MYO3B: variants seen among roughly 807,000 people sequenced by gnomAD.
MYO3B encodes the protein myosin IIIB, also known as myosin-IIIb.
In MYO3B, 156 loss-of-function variants were observed where a neutral mutation model predicts 174.6. The ratio of observed to expected loss-of-function variants is 0.89; its 90% CI spans 0.78 to 1.02. The LOEUF is 1.02. Ranked by LOEUF, MYO3B falls within the 50% of genes least tolerant of loss-of-function variation. MYO3B has a pLI of 0.00. For synonymous variants in MYO3B, 563 were observed against 569.1 expected (o/e 0.99, Z 0.15); for missense variants, 1,632 against 1,639.4 (o/e 1.00, Z 0.08).
chr2:170,273,203 T>C (rs2105373807), intron 7 of MYO3B, among the ~76,000 whole-genome samples: 1 of 152,262 alleles, frequency 6.6e-6, no homozygotes, highest in African/African-American at 2.4e-5. Flanking sequence ...CTGGCCCATC[T>C]CACCCAGTGA....
chr2:170,179,496 T>A (rs1428327200), intron 1 of MYO3B, among the ~76,000 whole-genome samples: 1 of 152,306 alleles, frequency 6.6e-6, no homozygotes, highest in Non-Finnish European at 1.5e-5. Context: ...TCATGAGGGC[T>A]CTGCCCTTAT....
At chr2:170,491,519 A>G (rs1010077693) in intron 25 of MYO3B, among the ~76,000 whole-genome samples, 8 of 152,162 alleles carry the variant, frequency 5.3e-5, no homozygotes, top group East Asian at 1.9e-4. Flanking sequence ...TCCGCCTCCC[A>G]GGTTCACGCC....
chr2:170,494,227 A>T (rs1260318163), intron 25 of MYO3B, among the ~76,000 whole-genome samples: 1 of 150,928 alleles, frequency 6.6e-6, no homozygotes, highest in Non-Finnish European at 1.5e-5. Context: ...TTTGCCTGTT[A>T]CATTTAAAAA....
chr2:170,466,795 C>A, intron 25 of MYO3B, 84 bp downstream of exon 25: 2 of 1,384,926 alleles, frequency 1.4e-6, no homozygotes, highest in Non-Finnish European at 2.0e-6. Flanking sequence ...GTTCCTCCTG[C>A]GTGCTCTCCT....
At position 170,591,409 on chromosome 2, in the gene MYO3B, A is replaced by G. The variant is rs528828804; in HGVS notation, c.3733+47421A>G. Among the ~76,000 whole-genome samples the G allele has an allele frequency of 3.3e-5, 5 of 152,310 alleles. No individual in the cohort carries two copies. The South Asian group carries it at 6.2e-4, about 19-fold the overall frequency. ...CTCTGAGATCAAAAATTAAAAATCA[A>G]AGAGATGTCAGGGTTGTAAACCACA... On this transcript the variant is annotated intron_variant, in intron 32 of 34. Coordinates refer to ENST00000408978, the MANE Select transcript of MYO3B (RefSeq NM_138995.5).
chr2:170,322,753 A>G (rs1331758153), intron 7 of MYO3B, among the ~76,000 whole-genome samples: 4 of 152,150 alleles, frequency 2.6e-5, no homozygotes, highest in African/African-American at 7.2e-5. Flanking sequence ...CTGTCAGCCT[A>G]TGCTTCTGTG....
At chr2:170,568,366 C>T (rs1692211164) in intron 32 of MYO3B, among the ~76,000 whole-genome samples, 1 of 152,242 alleles carries the variant, frequency 6.6e-6, no homozygotes, top group East Asian at 1.9e-4. Context: ...CTGGGCTTTT[C>T]TGCTTCTTCT....
chr2:170,362,579 T>A (rs780250984), intron 8 of MYO3B, among the ~76,000 whole-genome samples: 1 of 152,226 alleles, frequency 6.6e-6, no homozygotes, highest in South Asian at 2.1e-4. Flanking sequence ...GGGATTTTTG[T>A]CTTTTAGCAA....
intron 32 of MYO3B, among the ~76,000 whole-genome samples, chr2:170,607,547 C>CTGAATGGTCA (rs144285999): frequency 0.087 from 13,290 of 152,224 alleles, 645 homozygotes; most frequent in South Asian, 0.15. Context: ...ATGACCATTC[C>CTGAATGGTCA]TGAATTCAGC....
At chr2:170,518,117 A>T (rs988857062) in intron 29 of MYO3B, among the ~76,000 whole-genome samples, 14 of 152,186 alleles carry the variant, frequency 9.2e-5, no homozygotes, top group Non-Finnish European at 2.9e-5. Context: ...ACCTTAGCTC[A>T]AAGAATTGCA....
chr2:170,483,680 CTT>C (rs1341083371), intron 25 of MYO3B, among the ~76,000 whole-genome samples: 8 of 152,002 alleles, frequency 5.3e-5, no homozygotes, highest in Non-Finnish European at 1.2e-4. Context: ...GTGGGGCTAA[CTT>C]ATGTTAGATA....
chr2:170,477,024 C>G (rs778521378), intron 25 of MYO3B, among the ~76,000 whole-genome samples: 2 of 152,168 alleles, frequency 1.3e-5, no homozygotes, highest in Non-Finnish European at 2.9e-5. Flanking sequence ...TTTGGACTCT[C>G]AGCTTCCTTA....
At chr2:170,442,141 C>T (rs2094805316) in intron 22 of MYO3B, among the ~76,000 whole-genome samples, 1 of 151,980 alleles carries the variant, frequency 6.6e-6, no homozygotes, top group African/African-American at 2.4e-5. Flanking sequence ...TGGTAAATAT[C>T]TGGAAGTGTT....
intron 32 of MYO3B, among the ~76,000 whole-genome samples, chr2:170,648,701 ATAT>A (rs1292402021): frequency 2.6e-5 from 3 of 116,720 alleles, no homozygotes; most frequent in African/African-American, 8.7e-5. Context: ...TATATAATAT[ATAT>A]TATATTCTAT....
At chr2:170,217,426 C>T (rs2092842757) in intron 6 of MYO3B, 31 bp downstream of exon 6, 3 of 1,571,840 alleles carry the variant, frequency 1.9e-6, no homozygotes, top group East Asian at 4.5e-5. Flanking sequence ...TCTTTCTTTG[C>T]ACTTGTTGAA....
chr2:170,197,505 CAA>C (rs1330303529), intron 1 of MYO3B, among the ~76,000 whole-genome samples: 1 of 152,188 alleles, frequency 6.6e-6, no homozygotes, highest in African/African-American at 2.4e-5. Flanking sequence ...TGCTACTCTT[CAA>C]AGATTATGGC....
At position 170,442,191 on chromosome 2, in the gene MYO3B, A is replaced by G. The variant is rs144659056; in HGVS notation, c.2651-1776A>G. On this transcript the variant is annotated intron_variant, in intron 22 of 34. Transcript: ENST00000408978. ...TGAATTTATGCTTACTTTATAATAA[A>G]TTTTCCACCTGATTTCAACAGTAGC... 4.3e-3 allele frequency among the ~76,000 whole-genome samples: 655 copies of G among 152,120 alleles called. 4 individuals carry two copies. Among genetic ancestry groups the G allele is most frequent in the African/African-American group, 0.015 (640 of 41,506 alleles).
chr2:170,442,447 C>T (rs778747091), intron 22 of MYO3B, among the ~76,000 whole-genome samples: 45 of 150,524 alleles, frequency 3.0e-4, no homozygotes, highest in Admixed American at 1.3e-4. Context: ...AAATATATTG[C>T]CCATTTATTA....
At chr2:170,425,027 T>A (rs1340720056) in intron 22 of MYO3B, among the ~76,000 whole-genome samples, 4 of 152,210 alleles carry the variant, frequency 2.6e-5, no homozygotes, top group Non-Finnish European at 5.9e-5. Flanking sequence ...TCAAAGCCAT[T>A]TATACTTTAT....
Sources: allele counts gnomAD v4.1 joint callset (sites outside exome capture counted in the v4.1 genomes callset), GRCh38; gene constraint gnomAD v4.1.1; transcripts MANE v1.5; gene names NCBI Gene and HGNC (gene_info 2026-07-23, HGNC 2026-07-21).